DTL: variants seen among roughly 807,000 people sequenced by gnomAD.
DTL encodes the protein denticleless E3 ubiquitin protein ligase adapter, also known as denticleless protein homolog.
In DTL, 46 loss-of-function variants were observed where a neutral mutation model predicts 87.0. The ratio of observed to expected loss-of-function variants is 0.53; its 90% CI spans 0.42 to 0.68. The LOEUF is 0.68. Ranked by LOEUF, DTL falls within the 30% of genes least tolerant of loss-of-function variation. The pLI is 0.00. For synonymous variants in DTL, 308 were observed against 311.2 expected (o/e 0.99, Z 0.11); for missense variants, 737 against 869.4 (o/e 0.85, Z 1.91).
In DTL at chr1:212,062,932, C is replaced by A. The variant is rs1339364102; in HGVS notation, c.509C>A (p.Thr170Asn). The A allele has an allele frequency of 2.5e-6, 4 of 1,612,868 alleles. No individual in the cohort carries two copies. Among genetic ancestry groups the A allele is most frequent in the Non-Finnish European group, 3.4e-6 (4 of 1,178,988 alleles). Residue 170 changes from threonine to asparagine, a missense_variant, in exon 6 of 15, where the codon ACC becomes AAC. Transcript: ENST00000366991. ...GRDGNIMVWDTRCNKKDGFYR... is the reference protein window; with the variant it reads ...GRDGNIMVWDNRCNKKDGFYR... Reference sequence around the variant, plus strand: ...GATGGCAACATTATGGTCTGGGATACCAGGTGCAACAAAAAAGGTTATCTA... The same window carrying A: ...GATGGCAACATTATGGTCTGGGATAACAGGTGCAACAAAAAAGGTTATCTA...
chr1:212,072,838 A>G (rs2884457), intron 11 of DTL, among the ~76,000 whole-genome samples: 59,085 of 148,564 alleles, frequency 0.4, 12,169 homozygotes, highest in East Asian at 0.59. Flanking sequence ...ATCTTGGCTC[A>G]CTGCAAGCTC....
At chr1:212,063,591 T>C (rs1558078800) in intron 6 of DTL, among the ~76,000 whole-genome samples, 1 of 152,178 alleles carries the variant, frequency 6.6e-6, no homozygotes, top group African/African-American at 2.4e-5. Flanking sequence ...AGGCCCAGCC[T>C]GATTTTAAAG....
chr1:212,072,758 A>ACC (rs1384171186), intron 11 of DTL, among the ~76,000 whole-genome samples: 4 of 118,492 alleles, frequency 3.4e-5, no homozygotes, highest in Admixed American at 1.0e-4. Flanking sequence ...TTATTTACTA[A>ACC]TCTTTTTTTT....
chr1:212,086,996 A>C (rs1220129925), intron 13 of DTL, among the ~76,000 whole-genome samples: 1 of 152,222 alleles, frequency 6.6e-6, no homozygotes, highest in Non-Finnish European at 1.5e-5. Context: ...AGTCACCAAA[A>C]AAGTTACATA....
At position 212,044,714 on chromosome 1, in the gene DTL, T is replaced by C; in HGVS notation, c.233T>C (p.Leu78Ser). 6.2e-7 allele frequency: 1 copy of C among 1,613,622 alleles called. No individual in the cohort carries two copies. The highest frequency in any genetic ancestry group is 1.1e-5 in the South Asian group (1 of 90,938). ...GCCAATGAAGAAGGCTTTGTTCGAT[T>C]GTATAACACAGAATCACAAAGTTTC... ...AVANEEGFVR[L>S]YNTESQSFRK... Residue 78 changes from leucine to serine, a missense_variant, in exon 3 of 15, where the codon TTG (leucine) becomes TCG (serine). By Grantham distance (145) the Leu-to-Ser change is moderately radical. Coordinates refer to ENST00000366991, the MANE Select transcript of DTL (RefSeq NM_016448.4).
At chr1:212,058,210 G>A (rs1199150920) in intron 5 of DTL, among the ~76,000 whole-genome samples, 1 of 152,108 alleles carries the variant, frequency 6.6e-6, no homozygotes, top group East Asian at 1.9e-4. Context: ...ATGGACCTAA[G>A]AGATATTTAC....
intron 5 of DTL, 57 bp from the exon 6 acceptor site, chr1:212,062,827 A>T (rs1358902347): frequency 3.6e-6 from 5 of 1,392,442 alleles, no homozygotes; most frequent in Non-Finnish European, 5.1e-6. Context: ...AAACTGAAAT[A>T]TATGTGTCAT....
At chr1:212,070,922 C>T (rs867443792) in intron 10 of DTL, among the ~76,000 whole-genome samples, 5 of 152,166 alleles carry the variant, frequency 3.3e-5, no homozygotes, top group Non-Finnish European at 7.4e-5. Context: ...TAAATACTTA[C>T]AGGTGTAGTG....
chr1:212,074,153 T>G (rs2358439), intron 11 of DTL, among the ~76,000 whole-genome samples: 138,897 of 151,518 alleles, frequency 0.92, 63,883 homozygotes, highest in East Asian at 1. Flanking sequence ...TTTAATTATA[T>G]GTACATAATT....
At chr1:212,086,653 G>T (rs1409428885) in intron 13 of DTL, among the ~76,000 whole-genome samples, 1 of 152,144 alleles carries the variant, frequency 6.6e-6, no homozygotes, top group Non-Finnish European at 1.5e-5. Context: ...CTCCCAAAGT[G>T]CTGGGATTAC....
chr1:212,048,427 G>A (rs988952823), intron 5 of DTL, among the ~76,000 whole-genome samples: 3 of 152,038 alleles, frequency 2.0e-5, no homozygotes, highest in South Asian at 2.1e-4. Flanking sequence ...TCCTGACCTC[G>A]TGATCCACCT....
intron 13 of DTL, among the ~76,000 whole-genome samples, chr1:212,086,000 T>A (rs766808979): frequency 6.6e-6 from 1 of 152,252 alleles, no homozygotes; most frequent in African/African-American, 2.4e-5. Context: ...CTGTCCTTAT[T>A]ATGGTTCTGC....
Position 212,103,190 on chromosome 1 carries a change from G to T in DTL, c.*250G>T. The T allele has an allele frequency of 4.0e-6, 1 of 251,500 alleles. No homozygotes were observed. The highest frequency in any genetic ancestry group is 5.5e-5 in the Admixed American group (1 of 18,334). 15.6% of individuals were successfully genotyped at this position (251,500 alleles called of 1,614,324 possible). A position where few individuals can be genotyped will look rare whatever the true frequency, so the allele number is the denominator to read the frequency against. On this transcript the variant is annotated 3_prime_UTR_variant, in exon 15 of 15. Coordinates refer to ENST00000366991, the MANE Select transcript of DTL (RefSeq NM_016448.4). ...TTCATAAAGTAAATTTGTCACTCTA[G>T]CATTTTGAATGAATAGTCTTCACTT...
intron 13 of DTL, among the ~76,000 whole-genome samples, chr1:212,082,831 T>C (rs556799274): frequency 6.6e-6 from 1 of 152,298 alleles, no homozygotes; most frequent in East Asian, 1.9e-4. Context: ...CAGGAAAATA[T>C]GATTGTTGGG....
chr1:212,047,518 C>G, intron 5 of DTL, 101 bp downstream of exon 5: 9 of 1,425,494 alleles, frequency 6.3e-6, no homozygotes, highest in Non-Finnish European at 8.7e-6. Flanking sequence ...AAAGTTACTG[C>G]TTTACCTACA....
In DTL at chr1:212,100,487, G is replaced by C; in HGVS notation, c.1497G>C (p.Met499Ile). The C allele has an allele frequency of 6.2e-7, 1 of 1,613,974 alleles. No individual in the cohort carries two copies. Among genetic ancestry groups the C allele is most frequent in the Admixed American group, 1.7e-5 (1 of 59,998 alleles). Residue 499 changes from methionine to isoleucine, a missense_variant, in exon 14 of 15, where the codon ATG becomes ATC. Coordinates refer to ENST00000366991, the MANE Select transcript of DTL (RefSeq NM_016448.4). ...VSPKPPSSFKMSIRNWVTRTP... is the reference protein window; with the variant it reads ...VSPKPPSSFKISIRNWVTRTP... Reference sequence around the variant, plus strand: ...CCAAGCCACCTTCATCTTTCAAGATGTCGATTAGAAACTGGGTGACCCGAA... The same window carrying C: ...CCAAGCCACCTTCATCTTTCAAGATCTCGATTAGAAACTGGGTGACCCGAA...
chr1:212,088,998 A>G (rs963598451), intron 13 of DTL, among the ~76,000 whole-genome samples: 2 of 152,214 alleles, frequency 1.3e-5, no homozygotes, highest in Non-Finnish European at 2.9e-5. Flanking sequence ...AGGCAGGAGA[A>G]TTGTTTGAAT....
rs774323360 is a variant in DTL, at chr1:212,066,899, TC to T, written c.713+15del. On this transcript the variant is annotated intron_variant, in intron 8 of 14. Transcript: ENST00000366991. Reference sequence around the variant, plus strand: ...AGCTGTGGATGGGTAAGAGTCTATTTCTTTTTTCTTCCGACGAGATCTTTTT... The same window carrying T: ...AGCTGTGGATGGGTAAGAGTCTATTTTTTTTTCTTCCGACGAGATCTTTTT... 7.5e-6 allele frequency: 12 copies of T among 1,604,746 alleles called. No homozygotes were observed. The highest frequency in any genetic ancestry group is 1.0e-5 in the Non-Finnish European group (12 of 1,172,268).
intron 13 of DTL, among the ~76,000 whole-genome samples, chr1:212,085,453 A>G (rs1397102818): frequency 6.6e-6 from 1 of 152,188 alleles, no homozygotes; most frequent in African/African-American, 2.4e-5. Flanking sequence ...TTCCTTGGTG[A>G]AATGTCTATG....
Sources: allele counts gnomAD v4.1 joint callset (sites outside exome capture counted in the v4.1 genomes callset), GRCh38; gene constraint gnomAD v4.1.1; transcripts MANE v1.5; gene names NCBI Gene and HGNC (gene_info 2026-07-23, HGNC 2026-07-21).